The following ERC2 variants were observed in gnomAD, a reference collection of about 807,000 sequenced individuals.
The protein encoded by ERC2 is ELKS/RAB6-interacting/CAST family member 2.
In ERC2, 42 loss-of-function variants were observed where a neutral mutation model predicts 114.8. The ratio of observed to expected loss-of-function variants is 0.37; its 90% CI spans 0.29 to 0.47. ERC2 has a LOEUF of 0.47. ERC2 is among the 20% of genes least tolerant of loss of function. The probability of loss-of-function intolerance (pLI) is 0.99; values close to 1 mark genes in which losing one functional copy is unlikely to be tolerated. For missense variants in ERC2, 939 were observed against 1,150.7 expected, an observed-to-expected ratio of 0.82 and a Z score of 2.66; for synonymous variants, 454 against 425.5, an observed-to-expected ratio of 1.07 and a Z score of -0.82.
intron 17 of ERC2, among the ~76,000 whole-genome samples, chr3:55,645,367 T>C (rs1348258331): frequency 6.6e-6 from 1 of 152,210 alleles, no homozygotes; most frequent in East Asian, 1.9e-4. Flanking sequence ...ATTTGAGACA[T>C]GTGCCACTTT....
intron 13 of ERC2, among the ~76,000 whole-genome samples, chr3:55,909,304 C>G (rs1321475197): frequency 6.6e-6 from 1 of 152,208 alleles, no homozygotes; most frequent in Non-Finnish European, 1.5e-5. Flanking sequence ...GACTAAAAAC[C>G]AGAGTTCCCT....
Position 56,139,688 on chromosome 3 carries a change from C to A in ERC2, c.1306-12G>T. 2 of 1,582,534 alleles carry A rather than the reference C, an allele frequency of 1.3e-6. No individual in the cohort carries two copies. The highest frequency in any genetic ancestry group is 1.1e-5 in the South Asian group (1 of 87,090). ...TTCAGCTGATCAATCTGCAAAACAA[C>A]AACAAAATTGCAAGAAATTAGAAAT... On this transcript the variant is annotated splice_polypyrimidine_tract_variant and intron_variant, in intron 5 of 17. Transcript: ENST00000288221.
intron 14 of ERC2, among the ~76,000 whole-genome samples, chr3:55,885,463 T>C (rs980385781): frequency 2.0e-5 from 3 of 152,144 alleles, no homozygotes; most frequent in Non-Finnish European, 2.9e-5. Context: ...AAATAGTGAA[T>C]AGGGCCCATA....
chr3:55,608,723 A>C (rs977905066), intron 17 of ERC2, among the ~76,000 whole-genome samples: 3 of 152,170 alleles, frequency 2.0e-5, no homozygotes, highest in African/African-American at 7.2e-5. Context: ...CCCACATTTT[A>C]AGTGCCGTAA....
At chr3:55,994,647 T>TCAAAAA (rs36006624) in intron 10 of ERC2, among the ~76,000 whole-genome samples, 1 of 61,394 alleles carries the variant, frequency 1.6e-5, no homozygotes, top group Non-Finnish European at 2.7e-5. Context: ...ACATACTCCC[T>TCAAAAA]AAAAAAAAAA....
intron 3 of ERC2, among the ~76,000 whole-genome samples, chr3:56,206,224 C>A (rs1290505036): frequency 6.6e-6 from 1 of 151,784 alleles, no homozygotes; most frequent in African/African-American, 2.4e-5. Context: ...CACACACTCA[C>A]ATACACACCA....
At chr3:56,210,741 A>G (rs1215061604) in intron 3 of ERC2, among the ~76,000 whole-genome samples, 6 of 152,190 alleles carry the variant, frequency 3.9e-5, no homozygotes, top group Non-Finnish European at 1.5e-5. Flanking sequence ...AAATTATTTG[A>G]CCAACTTTAG....
chr3:55,874,773 C>T (rs966142170), intron 14 of ERC2, among the ~76,000 whole-genome samples: 6 of 152,132 alleles, frequency 3.9e-5, no homozygotes, highest in Admixed American at 1.3e-4. Flanking sequence ...GGCATCCAGA[C>T]GCTAGCAACA....
intron 17 of ERC2, among the ~76,000 whole-genome samples, chr3:55,650,543 C>T (rs1010226787): frequency 6.6e-6 from 1 of 152,164 alleles, no homozygotes; most frequent in Non-Finnish European, 1.5e-5. Flanking sequence ...AATCATCTTA[C>T]TTATTTGTTC....
intron 1 of ERC2, among the ~76,000 whole-genome samples, chr3:56,464,102 T>C (rs894987095): frequency 6.6e-6 from 1 of 152,232 alleles, no homozygotes; most frequent in Admixed American, 6.5e-5. Context: ...GGGATGAAAA[T>C]TGCATTCCCC....
At chr3:55,682,840 T>C (rs1391851013) in intron 17 of ERC2, among the ~76,000 whole-genome samples, 1 of 152,216 alleles carries the variant, frequency 6.6e-6, no homozygotes, top group African/African-American at 2.4e-5. Flanking sequence ...TCAAGTTTAA[T>C]ACCATATTCC....
intron 7 of ERC2, among the ~76,000 whole-genome samples, chr3:56,065,578 A>G (rs1402245022): frequency 6.6e-6 from 1 of 151,894 alleles, no homozygotes; most frequent in South Asian, 2.1e-4. Context: ...CAGAACGTGC[A>G]GGTTTGTTGC....
chr3:56,448,499 C>G (rs1437891120), intron 1 of ERC2, among the ~76,000 whole-genome samples: 1 of 152,156 alleles, frequency 6.6e-6, no homozygotes, highest in Non-Finnish European at 1.5e-5. Flanking sequence ...GGCCTGCCCC[C>G]CACACCTCCG....
At chr3:56,193,788 T>C (rs1198037548) in intron 3 of ERC2, among the ~76,000 whole-genome samples, 2 of 152,184 alleles carry the variant, frequency 1.3e-5, no homozygotes, top group Non-Finnish European at 1.5e-5. Context: ...TCTTAGAACC[T>C]TGTGATTGGT....
intron 17 of ERC2, among the ~76,000 whole-genome samples, chr3:55,627,502 T>A (rs1467973048): frequency 6.6e-6 from 1 of 152,098 alleles, no homozygotes; most frequent in African/African-American, 2.4e-5. Context: ...AAAAGAAATT[T>A]CTTTTTTCTC....
intron 14 of ERC2, among the ~76,000 whole-genome samples, chr3:55,804,716 C>A (rs150523028): frequency 1.9e-3 from 295 of 152,186 alleles, no homozygotes; most frequent in African/African-American, 6.7e-3. Flanking sequence ...AATCCAGGGA[C>A]CTTCCATAGC....
At chr3:56,386,821 A>C (rs150941318) in intron 2 of ERC2, among the ~76,000 whole-genome samples, 1 of 152,326 alleles carries the variant, frequency 6.6e-6, no homozygotes, top group African/African-American at 2.4e-5. Context: ...ATTATACAGC[A>C]AATGCCAGAT....
chr3:55,647,380 G>C (rs1201044262), intron 17 of ERC2, among the ~76,000 whole-genome samples: 1 of 152,152 alleles, frequency 6.6e-6, no homozygotes, highest in Admixed American at 6.6e-5. Flanking sequence ...AAGATAAAAT[G>C]AGCTAATGCT....
intron 4 of ERC2, among the ~76,000 whole-genome samples, chr3:56,169,866 C>T (rs1263319750): frequency 6.7e-6 from 1 of 148,748 alleles, no homozygotes; most frequent in Non-Finnish European, 1.5e-5. Flanking sequence ...AACTTTTGGA[C>T]ATCATGTTTA....
Sources: gnomAD v4.1 joint callset for allele counts (sites outside exome capture counted in the v4.1 genomes callset) on GRCh38, gnomAD v4.1.1 for gene constraint, MANE v1.5 for transcripts, NCBI Gene and HGNC (gene_info 2026-07-23, HGNC 2026-07-21) for gene names.